Variants in BRINP3 observed in about 807,000 individuals in gnomAD.
The protein encoded by BRINP3 is BMP/retinoic acid-inducible neural-specific protein 3.
In BRINP3, 19 loss-of-function variants were observed where a neutral mutation model predicts 71.0. The ratio of observed to expected loss-of-function variants is 0.27; its 90% CI spans 0.19 to 0.39. BRINP3 has a LOEUF of 0.39. Among genes scored for constraint, BRINP3 ranks in the 10% least tolerant of loss-of-function variants. The probability of loss-of-function intolerance (pLI) is 1.00; values close to 1 mark genes in which losing one functional copy is unlikely to be tolerated. For missense variants in BRINP3, 959 were observed against 940.8 expected, an observed-to-expected ratio of 1.02 and a Z score of -0.25; for synonymous variants, 380 against 337.7, an observed-to-expected ratio of 1.13 and a Z score of -1.37.
chr1:190,227,199 T>C (rs113350991), intron 5 of BRINP3, among the ~76,000 whole-genome samples: 93 of 151,976 alleles, frequency 6.1e-4, no homozygotes, highest in Non-Finnish European at 1.2e-3. Flanking sequence ...ACCAGAAAAC[T>C]GAATTTTTAT....
chr1:190,226,854 G>T (rs1315802763), intron 5 of BRINP3, among the ~76,000 whole-genome samples: 3 of 151,868 alleles, frequency 2.0e-5, no homozygotes, highest in Non-Finnish European at 4.4e-5. Context: ...TTTCAAGAGT[G>T]AGTACCAAAA....
chr1:190,388,270 A>G (rs1558241927), intron 2 of BRINP3, among the ~76,000 whole-genome samples: 1 of 151,842 alleles, frequency 6.6e-6, no homozygotes, highest in East Asian at 1.9e-4. Flanking sequence ...AAAAGCAATC[A>G]GTCAATCTGT....
intron 6 of BRINP3, among the ~76,000 whole-genome samples, chr1:190,172,814 G>T (rs1652138494): frequency 6.6e-6 from 1 of 152,092 alleles, no homozygotes; most frequent in Non-Finnish European, 1.5e-5. Context: ...TGATATGGTG[G>T]CTCCCACGAA....
At chr1:190,309,768 T>C (rs1665387404) in intron 2 of BRINP3, among the ~76,000 whole-genome samples, 1 of 151,770 alleles carries the variant, frequency 6.6e-6, no homozygotes, top group Non-Finnish European at 1.5e-5. Flanking sequence ...CCCATTTTAC[T>C]TAGGAAATAA....
At chr1:190,134,356 T>C (rs1654798062) in intron 7 of BRINP3, among the ~76,000 whole-genome samples, 1 of 152,104 alleles carries the variant, frequency 6.6e-6, no homozygotes, top group African/African-American at 2.4e-5. Flanking sequence ...CATGAGTTCA[T>C]TGAGAGTGAC....
chr1:190,165,051 C>A (rs983901684), intron 6 of BRINP3, among the ~76,000 whole-genome samples: 7 of 151,586 alleles, frequency 4.6e-5, no homozygotes, highest in African/African-American at 1.7e-4. Flanking sequence ...AGCATAGCAA[C>A]AGTTTCAGTA....
At chr1:190,403,005 G>A (rs1183096413) in intron 2 of BRINP3, among the ~76,000 whole-genome samples, 1 of 152,116 alleles carries the variant, frequency 6.6e-6, no homozygotes, top group Non-Finnish European at 1.5e-5. Context: ...GGGATTACAG[G>A]AATGAGCTAC....
intron 7 of BRINP3, 122 bp from the exon 8 acceptor site, chr1:190,099,256 T>G: frequency 1.1e-6 from 1 of 935,856 alleles, no homozygotes; most frequent in Non-Finnish European, 1.6e-6. Context: ...GTAATTTAAA[T>G]GAAATAAAAG....
At chr1:190,169,922 A>C (rs1651868826) in intron 6 of BRINP3, among the ~76,000 whole-genome samples, 1 of 152,134 alleles carries the variant, frequency 6.6e-6, no homozygotes, top group Admixed American at 6.6e-5. Context: ...GGGTCCCATT[A>C]TAATCTACAT....
chr1:190,121,377 CAAT>C (rs1189129655), intron 7 of BRINP3, among the ~76,000 whole-genome samples: 6 of 151,962 alleles, frequency 3.9e-5, no homozygotes, highest in Non-Finnish European at 8.8e-5. Flanking sequence ...CACAAACCAA[CAAT>C]AATTGTACAA....
chr1:190,175,736 T>C (rs964445665), intron 6 of BRINP3, among the ~76,000 whole-genome samples: 9 of 152,224 alleles, frequency 5.9e-5, no homozygotes, highest in African/African-American at 1.9e-4. Context: ...CCTATCTATC[T>C]ATGTATCACC....
intron 4 of BRINP3, among the ~76,000 whole-genome samples, chr1:190,237,800 A>G (rs1258991731): frequency 2.0e-5 from 3 of 152,072 alleles, no homozygotes; most frequent in Admixed American, 6.6e-5. Flanking sequence ...GCCATCAATT[A>G]TGAACATAAA....
chr1:190,289,394 T>G (rs574425935), intron 2 of BRINP3, among the ~76,000 whole-genome samples: 1 of 152,084 alleles, frequency 6.6e-6, no homozygotes, highest in Admixed American at 6.6e-5. Context: ...TACAAATAAT[T>G]TATTTCAACA....
chr1:190,143,378 CA>C (rs936218760), intron 7 of BRINP3, among the ~76,000 whole-genome samples: 2 of 152,122 alleles, frequency 1.3e-5, no homozygotes, highest in African/African-American at 4.8e-5. Context: ...CTTCTGAATG[CA>C]AAGAGAAACT....
rs566701102 is a variant in BRINP3, at chr1:190,147,975, T to C, written c.1184+12693A>G. On this transcript the variant is annotated intron_variant, in intron 7 of 7. Coordinates refer to ENST00000367462, the MANE Select transcript of BRINP3 (RefSeq NM_199051.3). ...GACATGTAAGATGAGCACGCTATTG[T>C]GCACACTTTTTCTCTTCCTTTGTGC... is the stretch of plus-strand genomic sequence containing the variant. Among the ~76,000 whole-genome samples the C allele has an allele frequency of 3.3e-5, 5 of 152,328 alleles. No homozygotes were observed. In the East Asian group the frequency reaches 9.7e-4, roughly 29 times the overall value.
chr1:190,180,769 T>C (rs937037423), intron 6 of BRINP3, among the ~76,000 whole-genome samples: 1 of 152,166 alleles, frequency 6.6e-6, no homozygotes, highest in African/African-American at 2.4e-5. Context: ...TTAAAAAAAC[T>C]TTATATAACA....
At chr1:190,289,862 T>G (rs114219565) in intron 2 of BRINP3, among the ~76,000 whole-genome samples, 2,349 of 152,162 alleles carry the variant, frequency 0.015, 78 homozygotes, top group African/African-American at 0.053. Context: ...CACAATTTTC[T>G]TTTCCTTCTG....
intron 1 of BRINP3, among the ~76,000 whole-genome samples, chr1:190,460,505 G>A (rs886414691): frequency 6.6e-6 from 1 of 151,944 alleles, no homozygotes; most frequent in South Asian, 2.1e-4. Flanking sequence ...TTCCAATTTG[G>A]TAGAAGTAAT....
chr1:190,145,971 T>C (rs1239914622), intron 7 of BRINP3, among the ~76,000 whole-genome samples: 2 of 152,100 alleles, frequency 1.3e-5, no homozygotes, highest in Admixed American at 1.3e-4. Context: ...CCAAATATCA[T>C]ATGTTCTCAT....
Sources: gnomAD v4.1 joint callset for allele counts (sites outside exome capture counted in the v4.1 genomes callset) on GRCh38, gnomAD v4.1.1 for gene constraint, MANE v1.5 for transcripts, NCBI Gene and HGNC (gene_info 2026-07-23, HGNC 2026-07-21) for gene names.